LYPLAL1: variants seen among roughly 807,000 people sequenced by gnomAD.
The protein encoded by LYPLAL1 is lysophospholipase-like protein 1.
A neutral mutation model predicts 19.7 loss-of-function variants in LYPLAL1; 23 were observed. That is an observed-to-expected ratio of 1.17 (90% CI 0.84 to 1.65). The LOEUF is 1.65. LYPLAL1 is among the 40% of genes most tolerant of loss of function. LYPLAL1 has a pLI of 0.00. For synonymous variants in LYPLAL1, 119 were observed against 96.3 expected, an observed-to-expected ratio of 1.24 and a Z score of -1.38; for missense variants, 355 against 279.4, an observed-to-expected ratio of 1.27 and a Z score of -1.93.
At chr1:219,242,897 C>T in the LYPLAL1 span, among the ~76,000 whole-genome samples, 1 of 152,106 alleles carries the variant, frequency 6.6e-6, no homozygotes, top group Non-Finnish European at 1.5e-5. Flanking sequence ...GGAGTTTAAA[C>T]TGTAAAAGCA....
chr1:219,358,266 A>G, the LYPLAL1 span, among the ~76,000 whole-genome samples: 1 of 152,216 alleles, frequency 6.6e-6, no homozygotes, highest in African/African-American at 2.4e-5. Context: ...GCAGAAGGGA[A>G]AGTTGCTGAC....
chr1:219,374,832 C>T, the LYPLAL1 span, among the ~76,000 whole-genome samples: 6 of 152,162 alleles, frequency 3.9e-5, no homozygotes, highest in African/African-American at 1.2e-4. Context: ...TTCATTTCCC[C>T]GTTCCATGAC....
At chr1:219,339,438 C>T in the LYPLAL1 span, among the ~76,000 whole-genome samples, 1 of 152,006 alleles carries the variant, frequency 6.6e-6, no homozygotes. Context: ...TGTTGCTGTT[C>T]TCTCCATTAT....
the LYPLAL1 span, among the ~76,000 whole-genome samples, chr1:219,262,163 G>A: frequency 6.6e-6 from 1 of 151,870 alleles, no homozygotes; most frequent in African/African-American, 2.4e-5. Flanking sequence ...GGTGTAATTT[G>A]TATTTCTCTA....
chr1:219,389,888 G>A, the LYPLAL1 span, among the ~76,000 whole-genome samples: 1 of 152,152 alleles, frequency 6.6e-6, no homozygotes, highest in Admixed American at 6.5e-5. Flanking sequence ...ATTTTCCACT[G>A]TAGAAAGCCA....
the LYPLAL1 span, among the ~76,000 whole-genome samples, chr1:219,336,004 C>T: frequency 6.7e-6 from 1 of 150,370 alleles, no homozygotes; most frequent in African/African-American, 2.4e-5. Flanking sequence ...TCTAGGTGAC[C>T]AAACAGAAAG....
chr1:219,445,179 T>A, the LYPLAL1 span, among the ~76,000 whole-genome samples: 2 of 151,382 alleles, frequency 1.3e-5, no homozygotes, highest in Non-Finnish European at 2.9e-5. Flanking sequence ...TATACTGTAA[T>A]TTTTTTTTAA....
At chr1:219,408,786 G>A in the LYPLAL1 span, among the ~76,000 whole-genome samples, 138 of 152,264 alleles carry the variant, frequency 9.1e-4, 1 homozygote, top group African/African-American at 3.2e-3. Context: ...CAAATAGGTG[G>A]TTGAGAAAAG....
At chr1:219,225,046 G>A in the LYPLAL1 span, among the ~76,000 whole-genome samples, 82 of 152,144 alleles carry the variant, frequency 5.4e-4, no homozygotes, top group African/African-American at 1.9e-3. Context: ...TAATGTGGAA[G>A]GTCCTTTTGA....
chr1:219,286,795 TCTC>T, the LYPLAL1 span, among the ~76,000 whole-genome samples: 1 of 152,236 alleles, frequency 6.6e-6, no homozygotes, highest in Admixed American at 6.5e-5. Flanking sequence ...ATTTGCCTGT[TCTC>T]CTCTGTATGG....
the LYPLAL1 span, among the ~76,000 whole-genome samples, chr1:219,349,302 C>T: frequency 6.6e-6 from 1 of 152,158 alleles, no homozygotes; most frequent in Non-Finnish European, 1.5e-5. Flanking sequence ...TGAGAAACTA[C>T]TCTGTGTTAG....
Position 219,173,924 on chromosome 1 carries a change from T to C in LYPLAL1, c.34T>C (p.Cys12Arg). 6.2e-7 allele frequency: 1 copy of C among 1,613,818 alleles called. No homozygotes were observed. The highest frequency in any genetic ancestry group is 8.5e-7 in the Non-Finnish European group (1 of 1,179,946). The change falls in exon 1 of 5, where the codon TGT becomes CGT. Residue 12 changes from cysteine (C) to arginine (R), a missense_variant. Coordinates refer to ENST00000366928, the MANE Select transcript of LYPLAL1 (RefSeq NM_138794.5). ...AAASGSVLQRCIVSPAGRHSA... is the reference protein window; with the variant it reads ...AAASGSVLQRRIVSPAGRHSA... ...TGCGTCGGGGTCGGTTCTGCAGCGC[T>C]GTATCGTGTCGCCGGCAGGGAGGCA...
At chr1:219,218,898 G>A in the LYPLAL1 span, among the ~76,000 whole-genome samples, 1 of 152,074 alleles carries the variant, frequency 6.6e-6, no homozygotes, top group African/African-American at 2.4e-5. Context: ...CGGGGTCCTG[G>A]CCCCATCCAG....
the LYPLAL1 span, among the ~76,000 whole-genome samples, chr1:219,297,817 T>A: frequency 6.6e-6 from 1 of 152,192 alleles, no homozygotes. Context: ...TTCATTTGTT[T>A]TACCAACAAA....
the LYPLAL1 span, among the ~76,000 whole-genome samples, chr1:219,355,064 A>G: frequency 6.6e-6 from 1 of 152,212 alleles, no homozygotes; most frequent in Non-Finnish European, 1.5e-5. Flanking sequence ...GTTAAATCTA[A>G]AGATGCATAC....
intron 3 of LYPLAL1, among the ~76,000 whole-genome samples, chr1:219,206,437 A>T (rs1658573378): frequency 6.6e-6 from 1 of 152,042 alleles, no homozygotes. Context: ...CTTTGTGTTA[A>T]ATTTTCTTCT....
intron 2 of LYPLAL1, among the ~76,000 whole-genome samples, chr1:219,183,143 A>G (rs553946662): frequency 2.0e-5 from 3 of 152,202 alleles, no homozygotes; most frequent in South Asian, 2.1e-4. Context: ...TAGATGTGTA[A>G]TGGTATCCTA....
intron 2 of LYPLAL1, among the ~76,000 whole-genome samples, chr1:219,189,126 G>A (rs943480386): frequency 1.3e-5 from 2 of 151,488 alleles, no homozygotes; most frequent in Non-Finnish European, 3.0e-5. Context: ...TCTAATTAAG[G>A]CATTGTCAAA....
chr1:219,280,293 C>T, the LYPLAL1 span, among the ~76,000 whole-genome samples: 2 of 152,028 alleles, frequency 1.3e-5, no homozygotes, highest in South Asian at 4.1e-4. Context: ...TTTTTGATGC[C>T]TAAAGAAGGT....
Sources: allele counts gnomAD v4.1 joint callset (sites outside exome capture counted in the v4.1 genomes callset), GRCh38; gene constraint gnomAD v4.1.1; transcripts MANE v1.5; gene names NCBI Gene and HGNC (gene_info 2026-07-23, HGNC 2026-07-21).